Variants in HCN1 observed in about 807,000 individuals in gnomAD.
The protein encoded by HCN1 is hyperpolarization activated cyclic nucleotide gated potassium channel 1.
HCN1 carries 13 observed loss-of-function variants against 78.9 expected under a neutral mutation model. The observed-to-expected ratio is 0.16, with a 90% CI of 0.11 to 0.26. HCN1 has a LOEUF of 0.26. HCN1 is among the 10% of genes least tolerant of loss of function. HCN1 has a pLI of 1.00. For synonymous variants in HCN1, 552 were observed against 455.5 expected (o/e 1.21, Z -2.70); for missense variants, 810 against 1,154.3 (o/e 0.70, Z 4.32).
Position 45,630,486 on chromosome 5 carries a change from G to C in HCN1, c.849+14699C>G, listed in dbSNP as rs182227969. On this transcript the variant is annotated intron_variant, in intron 2 of 7. Coordinates refer to ENST00000303230, the MANE Select transcript of HCN1 (RefSeq NM_021072.4). The stretch of plus-strand genomic sequence containing the variant: ...CATGTGGCTCCACAGTAAACAATGT[G>C]TTTGCTAAAAATATCATGGTGTTGC... 7.2e-5 allele frequency among the ~76,000 whole-genome samples: 11 copies of C among 152,266 alleles called. No individual in the cohort carries two copies. In the East Asian group the frequency reaches 2.1e-3, roughly 29 times the overall value.
chr5:45,396,410 G>T, intron 4 of HCN1, 82 bp downstream of exon 4: 1 of 986,020 alleles, frequency 1.0e-6, no homozygotes, highest in Non-Finnish European at 1.6e-6. Context: ...TAGAGGAGAT[G>T]GTGTAGTTAT....
chr5:45,257,651 G>A lies in HCN1; in HGVS notation c.*4270C>T, dbSNP rs1220717213. ...AGAGATGCAGGGTTGTGCAAGTGCA[G>A]GGTTGTTAAAAAGGAAAAAAATTGA... On this transcript the variant is annotated 3_prime_UTR_variant, in exon 8 of 8. Transcript: ENST00000303230. The A allele has an allele frequency of 1.3e-5, 2 of 152,096 alleles. No individual in the cohort carries two copies. Among genetic ancestry groups the A allele is most frequent in the Non-Finnish European group, 2.9e-5 (2 of 68,034 alleles). The allele number at this position is 152,096 out of a possible 1,614,324, so 9.4% of individuals were successfully genotyped here. A position where few individuals can be genotyped will look rare whatever the true frequency, so the allele number is the denominator to read the frequency against.
intron 6 of HCN1, among the ~76,000 whole-genome samples, chr5:45,282,355 T>A (rs1745186306): frequency 6.6e-6 from 1 of 152,178 alleles, no homozygotes; most frequent in South Asian, 2.1e-4. Context: ...CCACACAATA[T>A]CTTGAAAATA....
chr5:45,555,803 A>T (rs1743456644), intron 2 of HCN1, among the ~76,000 whole-genome samples: 1 of 151,944 alleles, frequency 6.6e-6, no homozygotes, highest in Admixed American at 6.6e-5. Flanking sequence ...CTGACTTCAA[A>T]TTATACTACA....
chr5:45,529,802 A>G (rs1380683502), intron 2 of HCN1, among the ~76,000 whole-genome samples: 1 of 152,148 alleles, frequency 6.6e-6, no homozygotes, highest in African/African-American at 2.4e-5. Flanking sequence ...TTACAGCACC[A>G]TCAATTGCAA....
intron 5 of HCN1, among the ~76,000 whole-genome samples, chr5:45,344,666 C>A (rs1237503896): frequency 2.0e-5 from 3 of 152,176 alleles, no homozygotes; most frequent in Admixed American, 6.5e-5. Flanking sequence ...TCCAAAATGA[C>A]CTCCTTTGAC....
intron 3 of HCN1, among the ~76,000 whole-genome samples, chr5:45,447,495 G>A (rs1227330848): frequency 1.2e-4 from 18 of 152,066 alleles, no homozygotes; most frequent in Non-Finnish European, 5.9e-5. Flanking sequence ...CTCCTGTCTT[G>A]GCCTATCAAA....
chr5:45,588,676 C>A (rs1290452575), intron 2 of HCN1, among the ~76,000 whole-genome samples: 1 of 152,174 alleles, frequency 6.6e-6, no homozygotes, highest in Admixed American at 6.6e-5. Context: ...TTAGGAGTCA[C>A]CCCCTCCAGG....
At chr5:45,628,919 G>C (rs1354977630) in intron 2 of HCN1, among the ~76,000 whole-genome samples, 1 of 151,252 alleles carries the variant, frequency 6.6e-6, no homozygotes, top group Non-Finnish European at 1.5e-5. Context: ...CAGTGAGCTA[G>C]GTGAGATCAT....
At chr5:45,628,551 G>A (rs1745215130) in intron 2 of HCN1, among the ~76,000 whole-genome samples, 1 of 152,084 alleles carries the variant, frequency 6.6e-6, no homozygotes, top group African/African-American at 2.4e-5. Flanking sequence ...CTTATTAGTA[G>A]AGAACAAAAA....
At chr5:45,678,309 G>A (rs772620844) in intron 1 of HCN1, among the ~76,000 whole-genome samples, 1 of 151,852 alleles carries the variant, frequency 6.6e-6, no homozygotes, top group Non-Finnish European at 1.5e-5. Flanking sequence ...ATCTGAAACC[G>A]TATGCATTGT....
At chr5:45,657,275 A>G (rs1745790102) in intron 1 of HCN1, among the ~76,000 whole-genome samples, 1 of 152,222 alleles carries the variant, frequency 6.6e-6, no homozygotes, top group Admixed American at 6.5e-5. Flanking sequence ...ACTCCAATTC[A>G]CTACAGTGCC....
At chr5:45,645,874 ACCC>A (rs1440439658) in intron 1 of HCN1, among the ~76,000 whole-genome samples, 1 of 152,062 alleles carries the variant, frequency 6.6e-6, no homozygotes, top group African/African-American at 2.4e-5. Flanking sequence ...AAACATTCAT[ACCC>A]CCATTTATTT....
chr5:45,296,567 C>T (rs1243873846), intron 6 of HCN1, among the ~76,000 whole-genome samples: 2 of 151,484 alleles, frequency 1.3e-5, no homozygotes, highest in African/African-American at 4.8e-5. Context: ...GCAAAATAGA[C>T]TAAAGAAAGC....
At chr5:45,636,521 A>T (rs1745358715) in intron 2 of HCN1, among the ~76,000 whole-genome samples, 1 of 152,152 alleles carries the variant, frequency 6.6e-6, no homozygotes, top group African/African-American at 2.4e-5. Context: ...CTGCTGCTTC[A>T]GTTCTTCAGT....
chr5:45,582,938 A>G (rs1744113089), intron 2 of HCN1, among the ~76,000 whole-genome samples: 1 of 150,620 alleles, frequency 6.6e-6, no homozygotes, highest in African/African-American at 2.4e-5. Flanking sequence ...TTTATTGAGG[A>G]TTTTGGCTTC....
intron 6 of HCN1, among the ~76,000 whole-genome samples, chr5:45,301,172 T>A (rs542419139): frequency 6.6e-6 from 1 of 152,078 alleles, no homozygotes; most frequent in Admixed American, 6.6e-5. Flanking sequence ...AGTCAGCATA[T>A]TATTAAGGAA....
intron 5 of HCN1, among the ~76,000 whole-genome samples, chr5:45,317,806 A>G (rs1746028849): frequency 6.6e-6 from 1 of 152,342 alleles, no homozygotes; most frequent in East Asian, 1.9e-4. Context: ...CAACAGACAC[A>G]TGAAAAAATG....
chr5:45,354,139 C>T (rs956649533), intron 4 of HCN1, among the ~76,000 whole-genome samples: 4 of 151,636 alleles, frequency 2.6e-5, no homozygotes, highest in Non-Finnish European at 5.9e-5. Flanking sequence ...TACCTGGGTG[C>T]CTATTAGAAG....
Sources: gnomAD v4.1 joint callset for allele counts (sites outside exome capture counted in the v4.1 genomes callset) on GRCh38, gnomAD v4.1.1 for gene constraint, MANE v1.5 for transcripts, NCBI Gene and HGNC (gene_info 2026-07-23, HGNC 2026-07-21) for gene names.